ERH: variants seen among roughly 807,000 people sequenced by gnomAD.
The protein encoded by ERH is enhancer of rudimentary homolog.
ERH carries 1 observed loss-of-function variant against 16.8 expected under a neutral mutation model. The observed-to-expected ratio is 0.06, with a 90% CI of 0.02 to 0.28. ERH has a LOEUF of 0.28. Ranked by LOEUF, ERH falls within the 10% of genes least tolerant of loss-of-function variation. ERH has a pLI of 1.00. For missense variants in ERH, 42 were observed against 127.5 expected (o/e 0.33, Z 3.23); for synonymous variants, 43 against 43.6 (o/e 0.99, Z 0.05).
chr14:69,382,789 C>CAAA (rs1278831093), intron 3 of ERH, among the ~76,000 whole-genome samples: 36 of 103,158 alleles, frequency 3.5e-4, no homozygotes, highest in African/African-American at 1.3e-3. Flanking sequence ...ACTCTATCTC[C>CAAA]AAAAGAAAAA....
At chr14:69,385,558 T>C (rs990558248) in intron 3 of ERH, among the ~76,000 whole-genome samples, 1 of 151,818 alleles carries the variant, frequency 6.6e-6, no homozygotes, top group Non-Finnish European at 1.5e-5. Flanking sequence ...AAACTTACCA[T>C]TACTTTTCCC....
chr14:69,382,374 A>G (rs901303834), intron 3 of ERH, among the ~76,000 whole-genome samples: 2 of 152,244 alleles, frequency 1.3e-5, no homozygotes, highest in Non-Finnish European at 2.9e-5. Flanking sequence ...AGAAGAGACT[A>G]TAACATTTAT....
chr14:69,398,087 A>G (rs1594891534), intron 1 of ERH, 144 bp downstream of exon 1: 2 of 1,063,156 alleles, frequency 1.9e-6, no homozygotes, highest in Non-Finnish European at 1.4e-6. Flanking sequence ...CTGCGGCGGG[A>G]AGAAGGGTCA....
chr14:69,382,170 C>T (rs935785636), intron 3 of ERH, among the ~76,000 whole-genome samples: 1 of 152,182 alleles, frequency 6.6e-6, no homozygotes, highest in Non-Finnish European at 1.5e-5. Context: ...AGTAGGAATG[C>T]TTTATACAAT....
At chr14:69,389,603 G>A (rs1365074887) in intron 2 of ERH, among the ~76,000 whole-genome samples, 2 of 152,148 alleles carry the variant, frequency 1.3e-5, no homozygotes, top group African/African-American at 4.8e-5. Flanking sequence ...CAGGATATAG[G>A]ATTGGTATAT....
intron 2 of ERH, among the ~76,000 whole-genome samples, chr14:69,394,464 C>T (rs2015547): frequency 0.31 from 47,216 of 152,036 alleles, 7,531 homozygotes; most frequent in Middle Eastern, 0.46. Flanking sequence ...GGTGTGGTGG[C>T]CCATGCCTGT....
At chr14:69,384,738 CA>C (rs1386747277) in intron 3 of ERH, among the ~76,000 whole-genome samples, 1 of 152,044 alleles carries the variant, frequency 6.6e-6, no homozygotes, top group Non-Finnish European at 1.5e-5. Flanking sequence ...TTTATATAAC[CA>C]ATATTTACTC....
intron 2 of ERH, among the ~76,000 whole-genome samples, chr14:69,387,949 A>G (rs2045902261): frequency 6.6e-6 from 1 of 152,114 alleles, no homozygotes; most frequent in Admixed American, 6.6e-5. Flanking sequence ...GGGAGGCTGA[A>G]GCAGGAGAAT....
Position 69,398,219 on chromosome 14 carries a change from G to C in ERH, c.3+12C>G. On this transcript the variant is annotated intron_variant, in intron 1 of 3. Transcript: ENST00000557016. ...GGACTCGGACTCGGGTAGCCGCGGA[G>C]GCCTTTCTCACCATCGCGCCAAACT... The C allele has an allele frequency of 1.2e-6, 2 of 1,614,084 alleles. No individual in the cohort carries two copies. The highest frequency in any genetic ancestry group is 1.7e-6 in the Non-Finnish European group (2 of 1,180,010).
At position 69,395,299 on chromosome 14, in the gene ERH, GA is replaced by G. The variant is rs546257075; in HGVS notation, c.4-388del. ...GAGAGTGAGGCCCTATCTCTTAAAA[GA>G]AAAAAAAAAGTCATTAGGATACTTT... On this transcript the variant is annotated intron_variant, in intron 1 of 3. Transcript: ENST00000557016. Among the ~76,000 whole-genome samples, 698 of 147,756 alleles carry G rather than the reference GA, an allele frequency of 4.7e-3. 2 individuals carry two copies. The highest frequency in any genetic ancestry group is 8.1e-3 in the Non-Finnish European group (538 of 66,586).
At chr14:69,397,260 C>A (rs1488376585) in intron 1 of ERH, among the ~76,000 whole-genome samples, 2 of 152,114 alleles carry the variant, frequency 1.3e-5, no homozygotes, top group Non-Finnish European at 2.9e-5. Context: ...ATTATACCAC[C>A]TCTCAAGCCA....
intron 1 of ERH, among the ~76,000 whole-genome samples, chr14:69,395,914 T>C (rs1882322665): frequency 1.3e-5 from 2 of 152,198 alleles, no homozygotes; most frequent in African/African-American, 2.4e-5. Flanking sequence ...TCGTGCTCAC[T>C]GGGAAACATG....
intron 3 of ERH, among the ~76,000 whole-genome samples, chr14:69,385,721 T>A (rs2140230028): frequency 6.6e-6 from 1 of 151,368 alleles, no homozygotes; most frequent in South Asian, 2.1e-4. Context: ...TTCCATACAC[T>A]GAAATCTGTA....
intron 2 of ERH, among the ~76,000 whole-genome samples, chr14:69,388,173 T>A (rs1457678460): frequency 5.9e-5 from 9 of 152,048 alleles, no homozygotes; most frequent in Non-Finnish European, 1.5e-5. Context: ...GAGTTAAGAG[T>A]GCCTCTTCAT....
Position 69,395,088 on chromosome 14 carries a change from G to GA in ERH, c.4-177dup, listed in dbSNP as rs554759698. Among the ~76,000 whole-genome samples the GA allele has an allele frequency of 2.4e-3, 369 of 152,250 alleles. 2 individuals are homozygous for GA. Among genetic ancestry groups the GA allele is most frequent in the Non-Finnish European group, 3.7e-3 (249 of 68,024 alleles). On this transcript the variant is annotated intron_variant, in intron 1 of 3. Coordinates refer to ENST00000557016, the MANE Select transcript of ERH (RefSeq NM_004450.3). The stretch of plus-strand genomic sequence containing the variant: ...TCATCCTCTGGGAGGCTGAGAGGGG[G>GA]AAAATCACTTGAGGCCAGAAGCTTG...
intron 1 of ERH, among the ~76,000 whole-genome samples, chr14:69,396,553 G>A (rs1036929853): frequency 1.3e-5 from 2 of 152,200 alleles, no homozygotes; most frequent in African/African-American, 4.8e-5. Flanking sequence ...GAGCCACCGC[G>A]CCTGGACAAA....
At chr14:69,396,947 C>T (rs1448376444) in intron 1 of ERH, among the ~76,000 whole-genome samples, 1 of 152,236 alleles carries the variant, frequency 6.6e-6, no homozygotes, top group East Asian at 1.9e-4. Flanking sequence ...CACGTGCATT[C>T]TTGCAACAGA....
chr14:69,387,314 TG>T (rs199518278), intron 2 of ERH, among the ~76,000 whole-genome samples: 1,755 of 152,298 alleles, frequency 0.012, 33 homozygotes, highest in African/African-American at 0.039. Flanking sequence ...CCCAGCTCTT[TG>T]GGAGGCTGAG....
At chr14:69,397,632 T>C (rs1243581448) in intron 1 of ERH, among the ~76,000 whole-genome samples, 1 of 152,034 alleles carries the variant, frequency 6.6e-6, no homozygotes. Context: ...AAAAATACCA[T>C]ATCCGGCAGG....
Sources: gnomAD v4.1 joint callset for allele counts (sites outside exome capture counted in the v4.1 genomes callset) on GRCh38, gnomAD v4.1.1 for gene constraint, MANE v1.5 for transcripts, NCBI Gene and HGNC (gene_info 2026-07-23, HGNC 2026-07-21) for gene names.